Variants in PGAP1 observed in about 807,000 individuals in gnomAD.
The protein encoded by PGAP1 is post-GPI attachment to proteins inositol deacylase 1, also known as GPI inositol-deacylase.
In PGAP1, 76 loss-of-function variants were observed where a neutral mutation model predicts 127.0. The ratio of observed to expected loss-of-function variants is 0.60; its 90% confidence interval spans 0.50 to 0.72. The LOEUF (loss-of-function observed/expected upper bound fraction) is 0.72, where lower values mean the gene tolerates loss of function less well. Among genes scored for constraint, PGAP1 ranks in the 30% least tolerant of loss-of-function variants. The probability of loss-of-function intolerance (pLI) is 0.00; values close to 1 mark genes in which losing one functional copy is unlikely to be tolerated. For missense variants in PGAP1, 982 were observed against 1,071.3 expected, an observed-to-expected ratio of 0.92 and a Z score of 1.16; for synonymous variants, 362 against 366.5, an observed-to-expected ratio of 0.99 and a Z score of 0.14.
Position 196,839,353 on chromosome 2 carries a change from T to C in PGAP1, c.*1881A>G, listed in dbSNP as rs1193117128. On this transcript the variant is annotated 3_prime_UTR_variant, in exon 27 of 27. Coordinates refer to ENST00000354764, the MANE Select transcript of PGAP1 (RefSeq NM_024989.4). Reference sequence around the variant, plus strand: ...AGTTGTTTATAAGTATAGTTAAACATAGGGAGATGTGTCCCTATTTAAACA... The same window carrying C: ...AGTTGTTTATAAGTATAGTTAAACACAGGGAGATGTGTCCCTATTTAAACA... The C allele has an allele frequency of 2.0e-5, 3 of 152,240 alleles. No individual in the cohort carries two copies. The highest frequency in any genetic ancestry group is 2.1e-4 in the South Asian group (1 of 4,830). The allele number at this position is 152,240 out of a possible 1,614,324, so 9.4% of individuals were successfully genotyped here.
intron 13 of PGAP1, among the ~76,000 whole-genome samples, chr2:196,878,849 G>A (rs1247133514): frequency 4.6e-4 from 70 of 152,000 alleles, no homozygotes; most frequent in Admixed American, 4.5e-3. Flanking sequence ...CTGTTGCTTT[G>A]TCTAAACAGT....
intron 10 of PGAP1, among the ~76,000 whole-genome samples, chr2:196,887,258 T>C (rs1229986092): frequency 2.0e-5 from 3 of 151,692 alleles, no homozygotes; most frequent in African/African-American, 7.3e-5. Context: ...GTGGTGGGCG[T>C]CTGTAGTCCC....
At chr2:196,876,488 T>A (rs1331923231) in intron 13 of PGAP1, among the ~76,000 whole-genome samples, 3 of 152,140 alleles carry the variant, frequency 2.0e-5, no homozygotes, top group Non-Finnish European at 4.4e-5. Flanking sequence ...GTGACATTTC[T>A]TTTTAAATAA....
chr2:196,922,211 T>A, intron 1 of PGAP1: 2 of 1,292,758 alleles, frequency 1.5e-6, no homozygotes, highest in Non-Finnish European at 2.0e-6. Context: ...AAGGTAAAAA[T>A]TCTAATAAAC....
intron 20 of PGAP1, among the ~76,000 whole-genome samples, chr2:196,858,319 G>A (rs964361717): frequency 1.3e-5 from 2 of 151,576 alleles, no homozygotes; most frequent in East Asian, 1.9e-4. Context: ...GGAGAATGGC[G>A]TAAACCAGGG....
At chr2:196,859,428 T>C (rs1036150490) in intron 20 of PGAP1, among the ~76,000 whole-genome samples, 19 of 151,930 alleles carry the variant, frequency 1.3e-4, no homozygotes, top group African/African-American at 3.9e-4. Flanking sequence ...CTGAAATCTA[T>C]CAAACATTTA....
chr2:196,902,287 C>G (rs530338555), intron 5 of PGAP1, among the ~76,000 whole-genome samples: 5 of 152,340 alleles, frequency 3.3e-5, no homozygotes, highest in African/African-American at 1.2e-4. Context: ...GTCCTCCTGC[C>G]TTGGCCTCAC....
rs1272446827 is a variant in PGAP1 at position 196,861,155 on chromosome 2, C to T, written c.1861+3832G>A. Among the ~76,000 whole-genome samples the T allele has an allele frequency of 3.9e-5, 6 of 152,098 alleles. No individual in the cohort carries two copies. In the East Asian group the frequency reaches 9.6e-4, roughly 24 times the overall value. ...TATGCAGAAGAAAGAAACTAGATCCCTATCTTTCATCATATGCAAAAATTA... is the reference window on the plus strand; with the variant it reads ...TATGCAGAAGAAAGAAACTAGATCCTTATCTTTCATCATATGCAAAAATTA... On this transcript the variant is annotated intron_variant, in intron 20 of 26. Coordinates refer to ENST00000354764, the MANE Select transcript of PGAP1 (RefSeq NM_024989.4).
In PGAP1 at chr2:196,875,854, G is replaced by C. The variant is rs2125802773; in HGVS notation, c.1351-33C>G. 5 of 1,155,848 alleles carry C rather than the reference G, an allele frequency of 4.3e-6. No individual in the cohort carries two copies. In the South Asian group the frequency reaches 6.7e-5, roughly 16 times the overall value. 71.6% of individuals were successfully genotyped at this position (1,155,848 alleles called of 1,614,324 possible). A position where few individuals can be genotyped will look rare whatever the true frequency, so the allele number is the denominator to read the frequency against. The stretch of plus-strand genomic sequence containing the variant: ...ATAAAACATTGATTTATTAGAAAAA[G>C]TAAGTTAAATTTACAGTAAAGTATC... On this transcript the variant is annotated intron_variant, in intron 13 of 26. Transcript: ENST00000354764.
rs534567591 is a variant in PGAP1 at position 196,852,542 on chromosome 2, T to TAA, written c.1862-4506_1862-4505insTT. ...TATATAAAATATATCAAAAATAATG[T>TAA]ATTATTGATGAGAAAAATTATAAGA... On this transcript the variant is annotated intron_variant, in intron 20 of 26. Coordinates refer to ENST00000354764, the MANE Select transcript of PGAP1 (RefSeq NM_024989.4). Among the ~76,000 whole-genome samples, 228 of 151,986 alleles carry TAA rather than the reference T, an allele frequency of 1.5e-3. 1 individual carries two copies. The highest frequency in any genetic ancestry group is 5.3e-3 in the African/African-American group (219 of 41,542).
At chr2:196,867,511 A>C (rs1701280187) in intron 19 of PGAP1, among the ~76,000 whole-genome samples, 1 of 152,162 alleles carries the variant, frequency 6.6e-6, no homozygotes, top group South Asian at 2.1e-4. Context: ...GCTTTAGGAG[A>C]AATACCTAAT....
chr2:196,904,225 C>A (rs1702604410), intron 4 of PGAP1, among the ~76,000 whole-genome samples: 1 of 152,178 alleles, frequency 6.6e-6, no homozygotes, highest in Non-Finnish European at 1.5e-5. Flanking sequence ...ATGGGAAGAG[C>A]AGATCTTCAG....
At chr2:196,865,218 C>A in intron 19 of PGAP1, 138 bp from the exon 20 acceptor site, 1 of 553,720 alleles carries the variant, frequency 1.8e-6, no homozygotes, top group Non-Finnish European at 3.2e-6. Flanking sequence ...GTATCAAAAA[C>A]TCTAAGTAAA....
chr2:196,892,484 T>C lies in PGAP1; in HGVS notation c.1034-83A>G, dbSNP rs1702133975. The C allele has an allele frequency of 1.2e-5, 8 of 643,762 alleles. No homozygotes were observed. The South Asian group carries it at 1.8e-4, about 14-fold the overall frequency. The allele number at this position is 643,762 out of a possible 1,614,324, so 39.9% of individuals were successfully genotyped here. A position where few individuals can be genotyped will look rare whatever the true frequency, so the allele number is the denominator to read the frequency against. On this transcript the variant is annotated intron_variant, in intron 8 of 26. Coordinates refer to ENST00000354764, the MANE Select transcript of PGAP1 (RefSeq NM_024989.4). ...CTTTCTTCTTTGAATCCTGGTGAAA[T>C]ACTTCTCAATCACAATAAAGAAGTG...
intron 4 of PGAP1, among the ~76,000 whole-genome samples, chr2:196,903,463 A>T (rs1702566738): frequency 6.7e-6 from 1 of 148,634 alleles, no homozygotes; most frequent in South Asian, 2.2e-4. Flanking sequence ...CGGGAGGCTG[A>T]GGCAGGAGAA....
intron 4 of PGAP1, among the ~76,000 whole-genome samples, chr2:196,904,247 G>T (rs568933755): frequency 6.6e-6 from 1 of 152,290 alleles, no homozygotes; most frequent in East Asian, 1.9e-4. Flanking sequence ...CTCTTACTGT[G>T]CTTCTCTTCC....
chr2:196,864,440 A>G (rs921954131), intron 20 of PGAP1, among the ~76,000 whole-genome samples: 3 of 150,044 alleles, frequency 2.0e-5, no homozygotes, highest in African/African-American at 7.3e-5. Flanking sequence ...TTAGGGCACT[A>G]TTGTTAATTT....
At chr2:196,901,313 T>C (rs372318212) in intron 5 of PGAP1, among the ~76,000 whole-genome samples, 4 of 152,298 alleles carry the variant, frequency 2.6e-5, no homozygotes, top group African/African-American at 9.6e-5. Context: ...ATGAAAATGG[T>C]GGGTAATAGC....
At chr2:196,904,665 T>A (rs1576184830) in intron 4 of PGAP1, among the ~76,000 whole-genome samples, 1 of 151,776 alleles carries the variant, frequency 6.6e-6, no homozygotes, top group African/African-American at 2.4e-5. Context: ...GAGGCGGAGG[T>A]TGCAGTGAGC....
Sources: gnomAD v4.1 joint callset for allele counts (sites outside exome capture counted in the v4.1 genomes callset) on GRCh38, gnomAD v4.1.1 for gene constraint, MANE v1.5 for transcripts, NCBI Gene and HGNC (gene_info 2026-07-23, HGNC 2026-07-21) for gene names.